FHIT: variants seen among roughly 807,000 people sequenced by gnomAD.
FHIT encodes fragile histidine triad diadenosine triphosphatase, also known as bis(5'-adenosyl)-triphosphatase.
A neutral mutation model predicts 17.9 loss-of-function variants in FHIT; 19 were observed. The ratio of observed to expected loss-of-function variants is 1.06; its 90% CI spans 0.74 to 1.56. The LOEUF is 1.56. FHIT is among the 40% of genes most tolerant of loss of function. FHIT has a pLI of 0.00. For synonymous variants in FHIT, 81 were observed against 69.7 expected (o/e 1.16, Z -0.81); for missense variants, 248 against 189.2 (o/e 1.31, Z -1.82).
At chr3:61,068,810 A>G (rs996313127) in intron 2 of FHIT, among the ~76,000 whole-genome samples, 1 of 152,182 alleles carries the variant, frequency 6.6e-6, no homozygotes, top group African/African-American at 2.4e-5. Flanking sequence ...TGGAAAGTCA[A>G]TGAAAGCTTT....
intron 3 of FHIT, among the ~76,000 whole-genome samples, chr3:60,860,663 TATATGTAC>T (rs1703723042): frequency 8.7e-6 from 1 of 114,884 alleles, no homozygotes; most frequent in African/African-American, 3.2e-5. Flanking sequence ...ATATCAGGTA[TATATGTAC>T]ATATGTACAT....
intron 3 of FHIT, among the ~76,000 whole-genome samples, chr3:61,031,218 C>A (rs1371379885): frequency 6.6e-6 from 1 of 151,986 alleles, no homozygotes; most frequent in Non-Finnish European, 1.5e-5. Flanking sequence ...TTTTGGTAAC[C>A]ATGAGAAGCT....
At chr3:60,417,553 A>G (rs1336410106) in intron 5 of FHIT, among the ~76,000 whole-genome samples, 1 of 152,216 alleles carries the variant, frequency 6.6e-6, no homozygotes, top group African/African-American at 2.4e-5. Context: ...CTCAAAGAAC[A>G]CATAATTAAA....
intron 3 of FHIT, among the ~76,000 whole-genome samples, chr3:60,966,462 G>A (rs1352650917): frequency 1.3e-5 from 2 of 152,232 alleles, no homozygotes; most frequent in Admixed American, 1.3e-4. Flanking sequence ...GCCCCAGTGA[G>A]ATGAACCGGG....
chr3:60,187,223 C>T (rs1702195116), intron 5 of FHIT, among the ~76,000 whole-genome samples: 1 of 152,058 alleles, frequency 6.6e-6, no homozygotes, highest in Admixed American at 6.6e-5. Context: ...AAATGTGAAA[C>T]CCCCTAATGT....
intron 5 of FHIT, among the ~76,000 whole-genome samples, chr3:60,375,755 G>A (rs542105767): frequency 2.0e-5 from 3 of 152,064 alleles, no homozygotes; most frequent in African/African-American, 7.2e-5. Flanking sequence ...CTGGGTCAGT[G>A]CCTGCTCAGA....
At chr3:60,622,264 C>G (rs1400373637) in intron 4 of FHIT, among the ~76,000 whole-genome samples, 1 of 152,184 alleles carries the variant, frequency 6.6e-6, no homozygotes, top group East Asian at 1.9e-4. Flanking sequence ...CCAACTGGAA[C>G]AGGATTATAT....
At chr3:60,973,347 G>C (rs151034529) in intron 3 of FHIT, among the ~76,000 whole-genome samples, 60 of 152,208 alleles carry the variant, frequency 3.9e-4, no homozygotes, top group African/African-American at 1.4e-3. Context: ...TGAACTCTGT[G>C]AGACACTGAG....
intron 7 of FHIT, among the ~76,000 whole-genome samples, chr3:59,979,656 T>G (rs1413772195): frequency 6.6e-6 from 1 of 152,064 alleles, no homozygotes; most frequent in East Asian, 1.9e-4. Context: ...TTCCTATCAA[T>G]GGGGCACATT....
At chr3:59,953,875 T>C (rs752238121) in intron 7 of FHIT, among the ~76,000 whole-genome samples, 2 of 152,198 alleles carry the variant, frequency 1.3e-5, no homozygotes, top group Non-Finnish European at 2.9e-5. Context: ...CCCCTTCTCA[T>C]TGAGAGGTCC....
chr3:60,029,897 C>CTGTGTGTGTCTGTGTG (rs1354637337), intron 5 of FHIT, among the ~76,000 whole-genome samples: 94 of 127,908 alleles, frequency 7.3e-4, no homozygotes, highest in African/African-American at 1.4e-3. Flanking sequence ...GTGTGTGTGT[C>CTGTGTGTGTCTGTGTG]TGTGTGTGTG....
chr3:60,820,779 A>G (rs914376483), intron 4 of FHIT, among the ~76,000 whole-genome samples: 3 of 152,150 alleles, frequency 2.0e-5, no homozygotes, highest in African/African-American at 4.8e-5. Context: ...TTCAATATAC[A>G]TATTTATTAT....
chr3:60,783,108 T>G (rs1315494586), intron 4 of FHIT, among the ~76,000 whole-genome samples: 3 of 152,088 alleles, frequency 2.0e-5, no homozygotes, highest in African/African-American at 7.2e-5. Context: ...CTCAGCCTCC[T>G]AAGTAGCTGG....
chr3:60,440,629 T>G (rs934604494), intron 5 of FHIT, among the ~76,000 whole-genome samples: 1 of 152,092 alleles, frequency 6.6e-6, no homozygotes, highest in Non-Finnish European at 1.5e-5. Flanking sequence ...CTCATTTATG[T>G]CAAATTTCCA....
In FHIT at chr3:60,070,911, C is replaced by G. The variant is rs570595143; in HGVS notation, c.104-56759G>C. Among the ~76,000 whole-genome samples the G allele has an allele frequency of 3.3e-5, 5 of 152,364 alleles. No homozygotes were observed. The South Asian group carries it at 1.0e-3, about 32-fold the overall frequency. ...TGAGTGCTGGCGCCTAGGCAGGGAA[C>G]AGGCAGCAATTCCTACAGGTCCATC... On this transcript the variant is annotated intron_variant, in intron 5 of 9. Coordinates refer to ENST00000492590, the MANE Select transcript of FHIT (RefSeq NM_002012.4).
At chr3:60,527,664 A>C (rs2035624329) in intron 5 of FHIT, among the ~76,000 whole-genome samples, 1 of 152,236 alleles carries the variant, frequency 6.6e-6, no homozygotes, top group South Asian at 2.1e-4. Context: ...AGCTTACAAT[A>C]AAATAATAAA....
chr3:60,089,107 T>C (rs1191660611), intron 5 of FHIT, among the ~76,000 whole-genome samples: 1 of 152,174 alleles, frequency 6.6e-6, no homozygotes. Context: ...GTGGGGAATG[T>C]TTGACAGCTA....
At chr3:60,323,162 G>T (rs949363563) in intron 5 of FHIT, among the ~76,000 whole-genome samples, 2 of 151,772 alleles carry the variant, frequency 1.3e-5, no homozygotes, top group African/African-American at 4.8e-5. Context: ...CCTCCTACTG[G>T]GGCCCAAAGT....
chr3:61,095,330 G>A (rs1265700037), intron 2 of FHIT, among the ~76,000 whole-genome samples: 1 of 152,092 alleles, frequency 6.6e-6, no homozygotes, highest in Non-Finnish European at 1.5e-5. Flanking sequence ...ATTTCCCAGG[G>A]CCCCCTCTGG....
Sources: gnomAD v4.1 joint callset for allele counts (sites outside exome capture counted in the v4.1 genomes callset) on GRCh38, gnomAD v4.1.1 for gene constraint, MANE v1.5 for transcripts, NCBI Gene and HGNC (gene_info 2026-07-23, HGNC 2026-07-21) for gene names.